The following FARS2 variants were observed in gnomAD, a reference collection of about 807,000 sequenced individuals.
FARS2 encodes phenylalanyl-tRNA synthetase 2, mitochondrial.
Under a neutral mutation model 46.4 loss-of-function variants are expected in FARS2, and 40 were observed. That is an observed-to-expected ratio of 0.86 (90% CI 0.67 to 1.12). The LOEUF (loss-of-function observed/expected upper bound fraction) is 1.12. Among genes scored for constraint, FARS2 ranks in the 50% most tolerant of loss-of-function variants. The pLI, the probability that FARS2 is intolerant of heterozygous loss-of-function variation, is 0.00. For missense variants in FARS2, 513 were observed against 567.9 expected (o/e 0.90, Z 0.98); for synonymous variants, 234 against 214.9 (o/e 1.09, Z -0.78).
At chr6:5,599,695 A>C (rs1774400679) in intron 5 of FARS2, among the ~76,000 whole-genome samples, 1 of 152,258 alleles carries the variant, frequency 6.6e-6, no homozygotes. Context: ...AGTCAATTTT[A>C]GAACATTTTC....
At chr6:5,472,538 G>C (rs1046538425) in intron 4 of FARS2, among the ~76,000 whole-genome samples, 1 of 152,078 alleles carries the variant, frequency 6.6e-6, no homozygotes, top group Non-Finnish European at 1.5e-5. Context: ...AATTAATCAC[G>C]GTTTGATTAA....
intron 1 of FARS2, among the ~76,000 whole-genome samples, chr6:5,269,784 C>T (rs1262502744): frequency 1.3e-5 from 2 of 151,974 alleles, no homozygotes; most frequent in African/African-American, 2.4e-5. Context: ...GAGGATGGGT[C>T]GATACATATC....
At chr6:5,640,901 T>G (rs1776784044) in intron 6 of FARS2, among the ~76,000 whole-genome samples, 1 of 152,212 alleles carries the variant, frequency 6.6e-6, no homozygotes, top group African/African-American at 2.4e-5. Flanking sequence ...CAAGGTTACT[T>G]GTGTCTGAGT....
At chr6:5,390,617 T>G (rs1028114370) in intron 2 of FARS2, among the ~76,000 whole-genome samples, 1 of 152,232 alleles carries the variant, frequency 6.6e-6, no homozygotes, top group African/African-American at 2.4e-5. Flanking sequence ...TCCCTTACAG[T>G]GTATATAAGG....
At chr6:5,392,058 C>A (rs1272951825) in intron 2 of FARS2, among the ~76,000 whole-genome samples, 1 of 152,112 alleles carries the variant, frequency 6.6e-6, no homozygotes, top group East Asian at 1.9e-4. Flanking sequence ...AATTTAATTT[C>A]AATACTGTGG....
At chr6:5,422,966 G>A (rs1263916986) in intron 3 of FARS2, among the ~76,000 whole-genome samples, 1 of 152,098 alleles carries the variant, frequency 6.6e-6, no homozygotes, top group Non-Finnish European at 1.5e-5. Context: ...TCTTATTTTT[G>A]ACAAAATTGA....
At chr6:5,747,622 A>G (rs1761714771) in intron 6 of FARS2, among the ~76,000 whole-genome samples, 1 of 152,148 alleles carries the variant, frequency 6.6e-6, no homozygotes, top group Non-Finnish European at 1.5e-5. Flanking sequence ...GTTGTTGGGC[A>G]CTGTCTTAGA....
intron 6 of FARS2, among the ~76,000 whole-genome samples, chr6:5,726,613 A>G (rs1359542772): frequency 2.0e-5 from 3 of 152,208 alleles, no homozygotes; most frequent in African/African-American, 7.2e-5. Flanking sequence ...TAAAGTAGAA[A>G]AAGTAAAGGA....
rs549125994 is a variant in FARS2, at chr6:5,469,533, C to T, written c.904+38361C>T. 5.0e-4 allele frequency among the ~76,000 whole-genome samples: 76 copies of T among 152,356 alleles called. No homozygotes were observed. The Middle Eastern group carries it at 0.014, about 27-fold the overall frequency. On this transcript the variant is annotated intron_variant, in intron 4 of 6. Coordinates refer to ENST00000274680, the MANE Select transcript of FARS2 (RefSeq NM_006567.5). ...GCTGTTAGTTGCCACCCCAGCAAGT[C>T]TCAGACCCTCTGCCAGGCTCTGGAA...
chr6:5,467,156 C>A, intron 4 of FARS2: 1 of 835,854 alleles, frequency 1.2e-6, no homozygotes, highest in Non-Finnish European at 1.4e-6. Flanking sequence ...TTAAATGTTT[C>A]TATCTGTGGT....
At chr6:5,345,539 AG>A (rs1202620870) in intron 1 of FARS2, among the ~76,000 whole-genome samples, 24 of 152,360 alleles carry the variant, frequency 1.6e-4, no homozygotes, top group African/African-American at 5.3e-4. Flanking sequence ...ACAGCTTCTC[AG>A]GCGCATGTGT....
At chr6:5,275,841 G>C (rs929918716) in intron 1 of FARS2, among the ~76,000 whole-genome samples, 3 of 142,016 alleles carry the variant, frequency 2.1e-5, no homozygotes, top group African/African-American at 7.7e-5. Context: ...TCCTTCAGAA[G>C]AGTGATACAT....
At chr6:5,648,889 G>A (rs1403348282) in intron 6 of FARS2, among the ~76,000 whole-genome samples, 2 of 152,166 alleles carry the variant, frequency 1.3e-5, no homozygotes, top group Non-Finnish European at 2.9e-5. Flanking sequence ...CATCCCCAGG[G>A]CCCAGACAAT....
intron 5 of FARS2, among the ~76,000 whole-genome samples, chr6:5,554,133 T>G (rs1211056981): frequency 6.6e-6 from 1 of 152,226 alleles, no homozygotes; most frequent in African/African-American, 2.4e-5. Context: ...GTTTTTTGGA[T>G]TAACCGCTGA....
chr6:5,267,135 G>GTTAT (rs1765600546), intron 1 of FARS2, among the ~76,000 whole-genome samples: 1 of 140,948 alleles, frequency 7.1e-6, no homozygotes, highest in East Asian at 2.1e-4. Context: ...TCAAATGTCA[G>GTTAT]TTATTTCTAG....
intron 4 of FARS2, among the ~76,000 whole-genome samples, chr6:5,542,106 C>A (rs539994118): frequency 6.6e-6 from 1 of 152,240 alleles, no homozygotes; most frequent in South Asian, 2.1e-4. Flanking sequence ...TGCTTCTTTA[C>A]CATATCCTGT....
At chr6:5,646,218 T>C (rs1777065949) in intron 6 of FARS2, among the ~76,000 whole-genome samples, 1 of 152,208 alleles carries the variant, frequency 6.6e-6, no homozygotes, top group Non-Finnish European at 1.5e-5. Context: ...TTTAATGACA[T>C]TGTTACTCCC....
At chr6:5,293,844 A>AT (rs1177574408) in intron 1 of FARS2, among the ~76,000 whole-genome samples, 4 of 152,244 alleles carry the variant, frequency 2.6e-5, no homozygotes, top group Admixed American at 6.5e-5. Context: ...CAAGAGCATG[A>AT]TTGATTGGGT....
rs374482314 is a variant in FARS2, at chr6:5,300,887, G to A, written c.-22+39227G>A. ...TTTTGTAGAGATGGGGTCTTGCCAT[G>A]TTGTAAACATGGGGTCTTGCTGTGT... On this transcript the variant is annotated intron_variant, in intron 1 of 6. Transcript: ENST00000274680. 1.6e-4 allele frequency among the ~76,000 whole-genome samples: 24 copies of A among 151,980 alleles called. No individual in the cohort carries two copies. In the South Asian group the frequency reaches 4.8e-3, roughly 30 times the overall value.
Sources: gnomAD v4.1 joint callset for allele counts (sites outside exome capture counted in the v4.1 genomes callset) on GRCh38, gnomAD v4.1.1 for gene constraint, MANE v1.5 for transcripts, NCBI Gene and HGNC (gene_info 2026-07-23, HGNC 2026-07-21) for gene names.